VWA8: variants seen among roughly 807,000 people sequenced by gnomAD.
The protein encoded by VWA8 is von Willebrand factor A domain-containing protein 8.
A neutral mutation model predicts 241.5 loss-of-function variants in VWA8; 221 were observed. That is an observed-to-expected ratio of 0.91 (90% confidence interval 0.82 to 1.02). VWA8 has a LOEUF of 1.02. Ranked by LOEUF, VWA8 falls within the 50% of genes least tolerant of loss-of-function variation. The pLI, the probability that VWA8 is intolerant of heterozygous loss-of-function variation, is 0.00. For synonymous variants in VWA8, 852 were observed against 827.1 expected (o/e 1.03, Z -0.52); for missense variants, 2,322 against 2,328.7 (o/e 1.00, Z 0.06).
At chr13:41,930,712 T>C (rs953542339) in intron 2 of VWA8, among the ~76,000 whole-genome samples, 2 of 152,170 alleles carry the variant, frequency 1.3e-5, no homozygotes, top group African/African-American at 4.8e-5. Context: ...GTATAAGATA[T>C]ACATTAAACA....
chr13:41,735,964 C>G (rs550794337), intron 21 of VWA8, among the ~76,000 whole-genome samples: 30 of 152,214 alleles, frequency 2.0e-4, no homozygotes, highest in African/African-American at 5.8e-4. Context: ...AACAATGACC[C>G]TAAGAGAATA....
intron 16 of VWA8, among the ~76,000 whole-genome samples, chr13:41,814,915 C>G (rs1402209076): frequency 6.6e-6 from 1 of 151,898 alleles, no homozygotes; most frequent in African/African-American, 2.4e-5. Context: ...AGATAGACAA[C>G]AAAAAATTAG....
At chr13:41,614,664 C>G (rs555312487) in intron 38 of VWA8, among the ~76,000 whole-genome samples, 1 of 152,140 alleles carries the variant, frequency 6.6e-6, no homozygotes. Context: ...GCTTAACAAT[C>G]GTAATCTCAT....
At chr13:41,657,137 G>A (rs2044912216) in intron 37 of VWA8, among the ~76,000 whole-genome samples, 1 of 152,068 alleles carries the variant, frequency 6.6e-6, no homozygotes, top group Non-Finnish European at 1.5e-5. Context: ...TGCCCCTTTG[G>A]CTGAGGTTGC....
Position 41,671,005 on chromosome 13 carries a change from G to A in VWA8, c.4552C>T (p.Leu1518=). 6.2e-7 allele frequency: 1 copy of A among 1,613,972 alleles called. No individual in the cohort carries two copies. The highest frequency in any genetic ancestry group is 1.7e-5 in the Admixed American group (1 of 60,004). Residue 1518 remains leucine, a synonymous_variant, in exon 37 of 45, where the codon CTG becomes TTG. Transcript: ENST00000379310. The stretch of plus-strand genomic sequence containing the variant: ...CTCCATTCCATGAGTGATCGCTGCA[G>A]ACGTTCAAGTCCAGTTTCCCAAAGC... ...IRLWETGLER[L]QRSLMEWRNM...
chr13:41,771,746 T>A (rs74742645), intron 20 of VWA8, among the ~76,000 whole-genome samples: 5 of 151,654 alleles, frequency 3.3e-5, no homozygotes, highest in African/African-American at 1.2e-4. Flanking sequence ...GCCTGGCTAA[T>A]TTTTTTTGTA....
At chr13:41,662,383 T>C (rs998777800) in intron 37 of VWA8, among the ~76,000 whole-genome samples, 1 of 152,122 alleles carries the variant, frequency 6.6e-6, no homozygotes. Context: ...AATAAAAAAT[T>C]TCATTTTTAG....
intron 9 of VWA8, among the ~76,000 whole-genome samples, chr13:41,870,531 C>T (rs1388684309): frequency 2.7e-5 from 4 of 150,502 alleles, no homozygotes; most frequent in Admixed American, 6.6e-5. Context: ...CCCAGCTACT[C>T]GGGAGGCTGG....
At chr13:41,744,319 G>C (rs2045588527) in intron 21 of VWA8, among the ~76,000 whole-genome samples, 1 of 152,186 alleles carries the variant, frequency 6.6e-6, no homozygotes, top group African/African-American at 2.4e-5. Context: ...TAAGATATCT[G>C]TTGACTGTTC....
chr13:41,732,719 TC>T (rs1011509500), intron 21 of VWA8, among the ~76,000 whole-genome samples: 37 of 152,262 alleles, frequency 2.4e-4, no homozygotes, highest in African/African-American at 6.5e-4. Context: ...ATTAAGGCAA[TC>T]CATTATATTT....
chr13:41,888,966 G>A (rs1874685334), intron 5 of VWA8, among the ~76,000 whole-genome samples: 2 of 152,168 alleles, frequency 1.3e-5, no homozygotes, highest in South Asian at 4.1e-4. Context: ...AATCTTCAGA[G>A]AGCTGACTAA....
intron 26 of VWA8, among the ~76,000 whole-genome samples, chr13:41,714,603 T>C (rs1210246178): frequency 6.6e-6 from 1 of 151,976 alleles, no homozygotes; most frequent in Non-Finnish European, 1.5e-5. Context: ...AAGGTAGTCA[T>C]ACAAAGTTTT....
At chr13:41,880,664 G>A (rs1210618266) in intron 9 of VWA8, among the ~76,000 whole-genome samples, 1 of 152,142 alleles carries the variant, frequency 6.6e-6, no homozygotes, top group Non-Finnish European at 1.5e-5. Flanking sequence ...AGAGGCCTAT[G>A]TTCTATACAA....
At position 41,866,312 on chromosome 13, in the gene VWA8, G is replaced by A. The variant is rs182150521; in HGVS notation, c.1213-276C>T. 7.5e-4 allele frequency among the ~76,000 whole-genome samples: 114 copies of A among 151,430 alleles called. 1 individual carries two copies. Among genetic ancestry groups the A allele is most frequent in the Admixed American group, 5.4e-3 (82 of 15,184 alleles). ...TGCAGTGAGCCAAGATTGCGCCACT[G>A]CACTGCAGCCTGGGCAACAGAGCGA... On this transcript the variant is annotated intron_variant, in intron 10 of 44. Coordinates refer to ENST00000379310, the MANE Select transcript of VWA8 (RefSeq NM_015058.2).
At chr13:41,639,559 T>A (rs528333959) in intron 37 of VWA8, among the ~76,000 whole-genome samples, 1 of 152,352 alleles carries the variant, frequency 6.6e-6, no homozygotes, top group Non-Finnish European at 1.5e-5. Context: ...CTGAATTACA[T>A]AGTGTGTCTT....
At chr13:41,625,874 C>T (rs1008161668) in intron 37 of VWA8, among the ~76,000 whole-genome samples, 2 of 149,970 alleles carry the variant, frequency 1.3e-5, no homozygotes, top group African/African-American at 4.9e-5. Context: ...AAATGTGGCA[C>T]ATATACACCA....
At chr13:41,874,694 C>G (rs929926120) in intron 9 of VWA8, among the ~76,000 whole-genome samples, 1 of 152,144 alleles carries the variant, frequency 6.6e-6, no homozygotes, top group Non-Finnish European at 1.5e-5. Flanking sequence ...TTCATCCTTA[C>G]AATTCCCAAT....
At chr13:41,877,914 A>G (rs1873975842) in intron 9 of VWA8, among the ~76,000 whole-genome samples, 1 of 152,138 alleles carries the variant, frequency 6.6e-6, no homozygotes, top group Non-Finnish European at 1.5e-5. Context: ...ACATCACATG[A>G]TGAGCACCAT....
At chr13:41,792,008 T>C (rs987335435) in intron 17 of VWA8, among the ~76,000 whole-genome samples, 16 of 151,838 alleles carry the variant, frequency 1.1e-4, no homozygotes, top group Non-Finnish European at 2.1e-4. Flanking sequence ...TCTCCATTCA[T>C]AAAAAATGTT....
Sources: gnomAD v4.1 joint callset for allele counts (sites outside exome capture counted in the v4.1 genomes callset) on GRCh38, gnomAD v4.1.1 for gene constraint, MANE v1.5 for transcripts, NCBI Gene and HGNC (gene_info 2026-07-23, HGNC 2026-07-21) for gene names.